Variants in RIN2 observed in about 807,000 individuals in gnomAD.
The protein encoded by RIN2 is Ras and Rab interactor 2, also known as RAB5 interacting protein 2.
A neutral mutation model predicts 78.0 loss-of-function variants in RIN2; 36 were observed. That is an observed-to-expected ratio of 0.46 (90% CI 0.35 to 0.61). RIN2 has a LOEUF of 0.61. Ranked by LOEUF, RIN2 falls within the 20% of genes least tolerant of loss-of-function variation. The pLI, the probability that RIN2 is intolerant of heterozygous loss-of-function variation, is 0.00. For missense variants in RIN2, 1,087 were observed against 1,159.7 expected, an observed-to-expected ratio of 0.94 and a Z score of 0.91; for synonymous variants, 466 against 466.8, an observed-to-expected ratio of 1.00 and a Z score of 0.02.
At chr20:19,843,308 C>G (rs1323022450) in intron 2 of RIN2, among the ~76,000 whole-genome samples, 2 of 152,104 alleles carry the variant, frequency 1.3e-5, no homozygotes, top group Non-Finnish European at 2.9e-5. Flanking sequence ...AAAATGCTAT[C>G]AAACAACATC....
At chr20:19,916,042 C>T (rs2039671639) in intron 3 of RIN2, among the ~76,000 whole-genome samples, 1 of 152,140 alleles carries the variant, frequency 6.6e-6, no homozygotes, top group Non-Finnish European at 1.5e-5. Flanking sequence ...GAGACCGAGA[C>T]CATCCTGGCC....
At chr20:19,966,928 C>CACACACACAT (rs749291333) in intron 7 of RIN2, among the ~76,000 whole-genome samples, 3 of 151,846 alleles carry the variant, frequency 2.0e-5, no homozygotes, top group African/African-American at 7.3e-5. Flanking sequence ...CACACACACA[C>CACACACACAT]ATATATACAC....
At chr20:19,959,041 TAAAGGGCAAA>T (rs2041649437) in intron 5 of RIN2, among the ~76,000 whole-genome samples, 1 of 152,156 alleles carries the variant, frequency 6.6e-6, no homozygotes, top group Non-Finnish European at 1.5e-5. Context: ...ACTGTTTCTG[TAAAGGGCAAA>T]GTAAACTATT....
intron 9 of RIN2, among the ~76,000 whole-genome samples, chr20:19,983,747 G>T (rs1000111193): frequency 1.3e-5 from 2 of 152,184 alleles, no homozygotes; most frequent in Non-Finnish European, 2.9e-5. Flanking sequence ...TAGTGATGAA[G>T]TCTGGGCTTC....
At chr20:19,908,099 T>C (rs2039296985) in intron 3 of RIN2, among the ~76,000 whole-genome samples, 1 of 152,118 alleles carries the variant, frequency 6.6e-6, no homozygotes, top group Non-Finnish European at 1.5e-5. Context: ...TCGGGAGAGC[T>C]TAGGTCCATG....
intron 2 of RIN2, among the ~76,000 whole-genome samples, chr20:19,856,363 A>T (rs181352170): frequency 1.3e-5 from 2 of 152,210 alleles, no homozygotes; most frequent in Non-Finnish European, 1.5e-5. Context: ...AAATAAATTT[A>T]AAAAATAATT....
rs561608582 is a variant in RIN2 at position 19,859,830 on chromosome 20, C to T, written c.-36-29736C>T. On this transcript the variant is annotated intron_variant, in intron 2 of 12. Coordinates refer to ENST00000255006, the MANE Select transcript of RIN2 (RefSeq NM_018993.4). ...ACCTGCGTTCTCTATATGGAGAATC[C>T]AGTCATCAAGCCCAAAACTTGGGAG... Among the ~76,000 whole-genome samples, 6 of 152,266 alleles carry T rather than the reference C, an allele frequency of 3.9e-5. No individual in the cohort carries two copies. The South Asian group carries it at 1.2e-3, about 32-fold the overall frequency.
intron 2 of RIN2, among the ~76,000 whole-genome samples, chr20:19,841,206 C>T (rs1289339661): frequency 2.0e-5 from 3 of 151,940 alleles, no homozygotes; most frequent in Non-Finnish European, 2.9e-5. Flanking sequence ...CCCCAGCCTC[C>T]CAAGGACAGT....
intron 3 of RIN2, among the ~76,000 whole-genome samples, chr20:19,927,854 G>T (rs1484869165): frequency 6.6e-6 from 1 of 152,024 alleles, no homozygotes; most frequent in East Asian, 1.9e-4. Flanking sequence ...CCGGCCAAGA[G>T]ATCATTTAAA....
chr20:19,919,132 A>G (rs1162264226), intron 3 of RIN2, among the ~76,000 whole-genome samples: 1 of 152,210 alleles, frequency 6.6e-6, no homozygotes, highest in Non-Finnish European at 1.5e-5. Context: ...TGCTCTTGTC[A>G]GCCTTCCAGC....
intron 2 of RIN2, chr20:19,889,193 C>G: frequency 1.0e-6 from 1 of 985,420 alleles, no homozygotes; most frequent in Non-Finnish European, 1.2e-6. Flanking sequence ...CTTCAGCTGT[C>G]CCTCTGTGAT....
rs374866834 is a variant in RIN2 at position 19,913,234 on chromosome 20, G to GT, written c.58-21855dup. 8.5e-3 allele frequency among the ~76,000 whole-genome samples: 1,265 copies of GT among 148,536 alleles called. 16 individuals carry two copies. Among genetic ancestry groups the GT allele is most frequent in the African/African-American group, 0.027 (1,113 of 40,550 alleles). On this transcript the variant is annotated intron_variant, in intron 3 of 12. Coordinates refer to ENST00000255006, the MANE Select transcript of RIN2 (RefSeq NM_018993.4). ...CACACTGTAGCTCTCAGATCTTACT[G>GT]TTTTTTTTTTAATTGTGATAAAGCA...
intron 1 of RIN2, among the ~76,000 whole-genome samples, chr20:19,787,675 A>G (rs1004267683): frequency 1.3e-5 from 2 of 152,208 alleles, no homozygotes; most frequent in Non-Finnish European, 2.9e-5. Context: ...ATAGACATAA[A>G]TGGCTTAATA....
In RIN2 at chr20:19,956,665, C is replaced by T. The variant is rs975809574; in HGVS notation, c.209C>T (p.Thr70Ile). Residue 70 changes from threonine to isoleucine, a missense_variant, in exon 5 of 13, where the codon ACC becomes ATC. By Grantham distance (89) the Thr-to-Ile change is moderately conservative (BLOSUM62 -1). Around this residue, in one of 8 missense-constraint regions of RIN2, gnomAD observed 706 missense variants for 667.5 expected, o/e 1.06. Transcript: ENST00000255006. ...TATTCCGAGGAAGAGGACGTGAAGA[C>T]CTGTGCCCGGGACTCAGGCTATGAC... ...GGYSEEEDVK[T>I]CARDSGYDSL... 6.2e-7 allele frequency: 1 copy of T among 1,613,270 alleles called. No individual in the cohort carries two copies.
chr20:19,917,238 T>C lies in RIN2; in HGVS notation c.58-17861T>C, dbSNP rs368322150. On this transcript the variant is annotated intron_variant, in intron 3 of 12. Transcript: ENST00000255006. ...AGCTGTGCCACGGTCATCCACCGAA[T>C]GCCTTATTTCCTTTGTTTTACCAAG... Among the ~76,000 whole-genome samples, 26 of 152,174 alleles carry C rather than the reference T, an allele frequency of 1.7e-4. No homozygotes were observed. In the East Asian group the frequency reaches 4.1e-3, roughly 24 times the overall value.
intron 11 of RIN2, among the ~76,000 whole-genome samples, chr20:19,992,930 C>A (rs1036236129): frequency 2.6e-5 from 4 of 151,782 alleles, no homozygotes; most frequent in Non-Finnish European, 4.4e-5. Context: ...TTTTAAGTAT[C>A]TTTTCATTTT....
At chr20:19,868,212 C>T (rs577804880) in intron 2 of RIN2, among the ~76,000 whole-genome samples, 2 of 152,334 alleles carry the variant, frequency 1.3e-5, no homozygotes, top group East Asian at 3.9e-4. Flanking sequence ...GCCAGGGCTG[C>T]CCAAGTGGCA....
intron 1 of RIN2, among the ~76,000 whole-genome samples, chr20:19,765,175 C>T (rs535965524): frequency 6.6e-6 from 1 of 152,118 alleles, no homozygotes; most frequent in South Asian, 2.1e-4. Context: ...ATCTTCTCCC[C>T]CACCCCCAAA....
At chr20:19,997,418 C>T (rs1272330407) in intron 12 of RIN2, among the ~76,000 whole-genome samples, 1 of 152,148 alleles carries the variant, frequency 6.6e-6, no homozygotes, top group Non-Finnish European at 1.5e-5. Flanking sequence ...GTGGGACTCC[C>T]AGTGAGCTTG....
Sources: gnomAD v4.1 joint callset for allele counts (sites outside exome capture counted in the v4.1 genomes callset) on GRCh38, gnomAD v4.1.1 for gene constraint, gnomAD v4.1.1 regional missense constraint, MANE v1.5 for transcripts, NCBI Gene and HGNC (gene_info 2026-07-23, HGNC 2026-07-21) for gene names.